Variants in SPRED1 observed in about 807,000 individuals in gnomAD.
SPRED1 encodes sprouty related EVH1 domain containing 1, also known as sprouty-related, EVH1 domain-containing protein 1.
In SPRED1, 18 loss-of-function variants were observed where a neutral mutation model predicts 52.3. The observed-to-expected ratio is 0.34, with a 90% confidence interval of 0.24 to 0.51. The LOEUF is 0.51. Ranked by LOEUF, SPRED1 falls within the 20% of genes least tolerant of loss-of-function variation. The pLI is 0.97. For synonymous variants in SPRED1, 155 were observed against 179.7 expected, an observed-to-expected ratio of 0.86 and a Z score of 1.10; for missense variants, 485 against 551.0, an observed-to-expected ratio of 0.88 and a Z score of 1.20.
intron 1 of SPRED1, among the ~76,000 whole-genome samples, chr15:38,278,574 G>A (rs964848415): frequency 2.0e-5 from 3 of 152,156 alleles, no homozygotes; most frequent in African/African-American, 7.2e-5. Context: ...TGGGAGATTG[G>A]TTTTAGGATG....
rs78411122 is a variant in SPRED1, at chr15:38,261,127, A to T, written c.32+7910A>T. Among the ~76,000 whole-genome samples the T allele has an allele frequency of 4.0e-3, 613 of 152,356 alleles. 4 individuals carry two copies. Among genetic ancestry groups the T allele is most frequent in the African/African-American group, 0.014 (594 of 41,576 alleles). ...ATTTGAAGATTAATGGAGAGAAATG[A>T]TACGATCTTAATAAATGCCAGAAAT... On this transcript the variant is annotated intron_variant, in intron 1 of 6. Transcript: ENST00000299084.
At chr15:38,308,613 A>T (rs1170265546) in intron 2 of SPRED1, among the ~76,000 whole-genome samples, 2 of 152,092 alleles carry the variant, frequency 1.3e-5, no homozygotes, top group Non-Finnish European at 2.9e-5. Context: ...TTCAGGATTG[A>T]CCTTTTTTCT....
chr15:38,312,223 G>A (rs574469521), intron 2 of SPRED1, among the ~76,000 whole-genome samples: 17 of 151,970 alleles, frequency 1.1e-4, no homozygotes, highest in South Asian at 2.1e-4. Context: ...CATAAGGTTC[G>A]TAACTGTTAA....
At chr15:38,274,626 G>C (rs777809509) in intron 1 of SPRED1, among the ~76,000 whole-genome samples, 2 of 152,082 alleles carry the variant, frequency 1.3e-5, no homozygotes, top group Non-Finnish European at 2.9e-5. Flanking sequence ...GGCAATATTC[G>C]TATCTATTGA....
chr15:38,270,953 T>C lies in SPRED1; in HGVS notation c.32+17736T>C, dbSNP rs1301168882. ...AGTGCTTTGTAAAGCTAATCATCTT[T>C]ATGATCTGCTAGATGAACCATAGAT... On this transcript the variant is annotated intron_variant, in intron 1 of 6. Coordinates refer to ENST00000299084, the MANE Select transcript of SPRED1 (RefSeq NM_152594.3). 2.0e-5 allele frequency among the ~76,000 whole-genome samples: 3 copies of C among 152,344 alleles called. No homozygotes were observed. The East Asian group carries it at 5.8e-4, about 29-fold the overall frequency.
chr15:38,329,137 G>A (rs1895763693), intron 4 of SPRED1, among the ~76,000 whole-genome samples: 1 of 152,038 alleles, frequency 6.6e-6, no homozygotes, highest in South Asian at 2.1e-4. Flanking sequence ...GCTGGATTGA[G>A]AACAAAACCC....
chr15:38,340,995 A>ATTTTTTTTTTTTTTTTT (rs36150872), intron 5 of SPRED1, among the ~76,000 whole-genome samples: 1 of 128,292 alleles, frequency 7.8e-6, no homozygotes, highest in Non-Finnish European at 1.6e-5. Context: ...CTGGGCCTGG[A>ATTTTTTTTTTTTTTTTT]TTTTTTTTTT....
At chr15:38,272,006 G>T (rs1288518510) in intron 1 of SPRED1, among the ~76,000 whole-genome samples, 1 of 152,070 alleles carries the variant, frequency 6.6e-6, no homozygotes, top group Non-Finnish European at 1.5e-5. Flanking sequence ...AGTGGTATTT[G>T]GTTTTCTGTT....
At chr15:38,301,920 ACAGGGTTCCTCC>A (rs1375207607) in intron 2 of SPRED1, among the ~76,000 whole-genome samples, 1 of 151,540 alleles carries the variant, frequency 6.6e-6, no homozygotes, top group African/African-American at 2.4e-5. Flanking sequence ...CTGTAAGTCT[ACAGGGTTCCTCC>A]CAGATTAATG....
At chr15:38,260,345 G>A (rs1894181761) in intron 1 of SPRED1, among the ~76,000 whole-genome samples, 1 of 152,148 alleles carries the variant, frequency 6.6e-6, no homozygotes, top group South Asian at 2.1e-4. Flanking sequence ...TGTTCTCCCT[G>A]TGTGTTTCTA....
intron 4 of SPRED1, among the ~76,000 whole-genome samples, chr15:38,336,354 CATCA>C (rs1347597232): frequency 7.7e-5 from 11 of 142,248 alleles, no homozygotes; most frequent in African/African-American, 2.8e-4. Flanking sequence ...CCCAAATGCC[CATCA>C]ATCAATGAGT....
rs753357510 is a variant in SPRED1, at chr15:38,351,283, A to G, written c.954A>G (p.Leu318=). Residue 318 remains leucine (L), a synonymous_variant, in exon 7 of 7, where the codon TTA becomes TTG. Coordinates refer to ENST00000299084, the MANE Select transcript of SPRED1 (RefSeq NM_152594.3). ...SVVFKTQPSS[L]KIKKSKRRKE... ...TATTTAAGACGCAGCCTTCCTCATT[A>G]AAAATTAAGAAGTCAAAACGAAGAA... 5 of 1,614,136 alleles carry G rather than the reference A, an allele frequency of 3.1e-6. No individual in the cohort carries two copies. The South Asian group carries it at 3.3e-5, about 11-fold the overall frequency.
chr15:38,253,082 C>A lies in SPRED1; in HGVS notation c.-104C>A. 1.0e-6 allele frequency: 1 copy of A among 985,468 alleles called. No homozygotes were observed. The highest frequency in any genetic ancestry group is 1.4e-5 in the South Asian group (1 of 72,916). The allele number at this position is 985,468 out of a possible 1,614,324, so 61.0% of individuals were successfully genotyped here. A position where few individuals can be genotyped will look rare whatever the true frequency, so the allele number is the denominator to read the frequency against. ...TGGTGAGGCCCCTGTGCCGCTGCCC[C>A]CGCGCCCCCCCGGCCGCCGCTGCCT... is the stretch of plus-strand genomic sequence containing the variant. On this transcript the variant is annotated 5_prime_UTR_variant, in exon 1 of 7. Coordinates refer to ENST00000299084, the MANE Select transcript of SPRED1 (RefSeq NM_152594.3).
intron 5 of SPRED1, among the ~76,000 whole-genome samples, chr15:38,344,636 G>A (rs1207016709): frequency 1.3e-5 from 2 of 152,074 alleles, no homozygotes; most frequent in African/African-American, 2.4e-5. Flanking sequence ...TGTGGCCTTG[G>A]GCAAGCTACT....
intron 1 of SPRED1, among the ~76,000 whole-genome samples, chr15:38,260,765 A>G (rs1894189333): frequency 6.6e-6 from 1 of 152,214 alleles, no homozygotes; most frequent in South Asian, 2.1e-4. Context: ...AAGGGGTCAT[A>G]AGCTTTACCA....
At chr15:38,272,171 A>T (rs1175347346) in intron 1 of SPRED1, among the ~76,000 whole-genome samples, 1 of 151,758 alleles carries the variant, frequency 6.6e-6, no homozygotes. Context: ...GGTTGATTCC[A>T]TGTCTTTGCT....
chr15:38,336,010 G>T (rs771308618), intron 4 of SPRED1, among the ~76,000 whole-genome samples: 2 of 152,040 alleles, frequency 1.3e-5, no homozygotes, highest in African/African-American at 2.4e-5. Flanking sequence ...CCACCAAGGA[G>T]TATTAGCCTT....
In SPRED1 at chr15:38,336,960, A is replaced by G. The variant is rs536928946; in HGVS notation, c.424-2777A>G. Among the ~76,000 whole-genome samples the G allele has an allele frequency of 5.3e-5, 8 of 152,284 alleles. No homozygotes were observed. In the South Asian group the frequency reaches 1.5e-3, roughly 28 times the overall value. Reference sequence around the variant, plus strand: ...ATAAAAAACTTTAAAACAACAACAAATAATAATTCTGAGAAAAATACTTTG... The same window carrying G: ...ATAAAAAACTTTAAAACAACAACAAGTAATAATTCTGAGAAAAATACTTTG... On this transcript the variant is annotated intron_variant, in intron 4 of 6. Transcript: ENST00000299084.
intron 2 of SPRED1, among the ~76,000 whole-genome samples, chr15:38,310,656 G>A (rs1396820828): frequency 1.3e-5 from 2 of 152,030 alleles, no homozygotes; most frequent in Non-Finnish European, 2.9e-5. Context: ...GATCTTATAT[G>A]TTTTGTTAAT....
Sources: gnomAD v4.1 joint callset for allele counts (sites outside exome capture counted in the v4.1 genomes callset) on GRCh38, gnomAD v4.1.1 for gene constraint, MANE v1.5 for transcripts, NCBI Gene and HGNC (gene_info 2026-07-23, HGNC 2026-07-21) for gene names.